Variants in ZRANB3 observed in about 807,000 individuals in gnomAD.
ZRANB3 encodes zinc finger RANBP2-type containing 3, also known as DNA annealing helicase and endonuclease ZRANB3.
A neutral mutation model predicts 133.8 loss-of-function variants in ZRANB3; 125 were observed. The observed-to-expected ratio is 0.93, with a 90% CI of 0.81 to 1.08. The LOEUF (loss-of-function observed/expected upper bound fraction) is 1.08, where lower values mean the gene tolerates loss of function less well. Ranked by LOEUF, ZRANB3 falls within the 50% of genes least tolerant of loss-of-function variation. The probability of loss-of-function intolerance (pLI) is 0.00; values close to 1 mark genes in which losing one functional copy is unlikely to be tolerated. For missense variants in ZRANB3, 1,229 were observed against 1,275.5 expected (o/e 0.96, Z 0.56); for synonymous variants, 387 against 432.7 (o/e 0.89, Z 1.31).
intron 3 of ZRANB3, among the ~76,000 whole-genome samples, chr2:135,358,063 C>T (rs769173264): frequency 4.6e-5 from 7 of 152,150 alleles, no homozygotes; most frequent in Non-Finnish European, 7.3e-5. Context: ...CAGAAGCCAA[C>T]GCAAGATATC....
At chr2:135,390,883 A>AT (rs1687200403) in intron 2 of ZRANB3, 63 bp from the exon 3 acceptor site, 5 of 1,439,272 alleles carry the variant, frequency 3.5e-6, no homozygotes, top group Non-Finnish European at 4.6e-6. Context: ...TTTTTTTGAG[A>AT]TGGAGTCTCG....
At chr2:135,403,147 G>A (rs1682540707) in intron 2 of ZRANB3, among the ~76,000 whole-genome samples, 2 of 152,154 alleles carry the variant, frequency 1.3e-5, no homozygotes, top group South Asian at 2.1e-4. Context: ...AGCCGAAGCT[G>A]GGTGAGGCAT....
chr2:135,236,069 C>T lies in ZRANB3; in HGVS notation c.1540-5142G>A, dbSNP rs923548404. Among the ~76,000 whole-genome samples, 503 of 152,152 alleles carry T rather than the reference C, an allele frequency of 3.3e-3. 1 individual carries two copies. Among genetic ancestry groups the T allele is most frequent in the Middle Eastern group, 0.01 (3 of 294 alleles). ...GTCTCAGCCCAAAATCTCCTTAAGC[C>T]GATAGGCAACTTCAGCAAAGTCTCA... is the stretch of plus-strand genomic sequence containing the variant. On this transcript the variant is annotated intron_variant, in intron 12 of 20. Transcript: ENST00000264159.
intron 6 of ZRANB3, among the ~76,000 whole-genome samples, chr2:135,316,983 A>AAAAAAAAT (rs35114507): frequency 3.8e-5 from 5 of 131,470 alleles, no homozygotes; most frequent in South Asian, 2.3e-4. Context: ...AAAAAAAAAA[A>AAAAAAAAT]ATATATATAT....
At chr2:135,290,867 C>A (rs1681672520) in intron 8 of ZRANB3, among the ~76,000 whole-genome samples, 1 of 152,104 alleles carries the variant, frequency 6.6e-6, no homozygotes, top group Non-Finnish European at 1.5e-5. Context: ...GGATGGTTTC[C>A]TTGATTATTC....
At chr2:135,522,443 G>A (rs147797689) in intron 1 of ZRANB3, among the ~76,000 whole-genome samples, 29 of 152,182 alleles carry the variant, frequency 1.9e-4, no homozygotes, top group Admixed American at 3.3e-4. Flanking sequence ...GGTACCCGCC[G>A]GGTGGTGTGG....
intron 12 of ZRANB3, among the ~76,000 whole-genome samples, chr2:135,259,660 C>T (rs1319892449): frequency 2.6e-5 from 4 of 152,072 alleles, no homozygotes; most frequent in Admixed American, 6.5e-5. Context: ...TCAGCTGATC[C>T]GCCCGCCTCG....
chr2:135,530,479 C>T (rs970572954), intron 1 of ZRANB3: 1 of 152,208 alleles, frequency 6.6e-6, no homozygotes, highest in African/African-American at 2.4e-5. Flanking sequence ...ATCTCCCATG[C>T]AAGAAACTAG....
chr2:135,202,642 A>T (rs1693671108), intron 20 of ZRANB3, 190 bp downstream of exon 20: 1 of 536,884 alleles, frequency 1.9e-6, no homozygotes, highest in South Asian at 2.9e-5. Context: ...TGAAAAGGGA[A>T]GCAGCTTCTC....
At chr2:135,297,927 TATTGTTTTTAAA>T (rs1270555413) in intron 8 of ZRANB3, among the ~76,000 whole-genome samples, 2 of 152,176 alleles carry the variant, frequency 1.3e-5, no homozygotes, top group Admixed American at 1.3e-4. Flanking sequence ...CCATATCCTG[TATTGTTTTTAAA>T]ATTTATTGGC....
At chr2:135,426,795 GC>G (rs1422713967) in intron 2 of ZRANB3, among the ~76,000 whole-genome samples, 1 of 116,682 alleles carries the variant, frequency 8.6e-6, no homozygotes, top group African/African-American at 3.3e-5. Context: ...TGGTGCCACT[GC>G]ACTCCAGCCT....
At chr2:135,314,953 T>C (rs1413286953) in intron 7 of ZRANB3, among the ~76,000 whole-genome samples, 2 of 152,028 alleles carry the variant, frequency 1.3e-5, no homozygotes, top group Admixed American at 6.6e-5. Flanking sequence ...TTTCACCATG[T>C]TGGCCAGCTG....
chr2:135,526,348 G>C (rs773703942), intron 1 of ZRANB3, among the ~76,000 whole-genome samples: 18 of 151,976 alleles, frequency 1.2e-4, no homozygotes, highest in Non-Finnish European at 2.5e-4. Flanking sequence ...ATTTTGAGTA[G>C]AGACAGGGTT....
intron 17 of ZRANB3, among the ~76,000 whole-genome samples, chr2:135,210,246 T>C (rs1694039819): frequency 6.6e-6 from 1 of 152,226 alleles, no homozygotes; most frequent in Non-Finnish European, 1.5e-5. Flanking sequence ...ACCCTGGATA[T>C]CATTAGAGAA....
chr2:135,340,020 G>T (rs1274657188), intron 6 of ZRANB3, among the ~76,000 whole-genome samples: 1 of 150,900 alleles, frequency 6.6e-6, no homozygotes, highest in Non-Finnish European at 1.5e-5. Context: ...TTTATTTAGG[G>T]TTTTATTTAA....
At chr2:135,426,866 ATATATATATATATATAT>A (rs1689115230) in intron 2 of ZRANB3, among the ~76,000 whole-genome samples, 2 of 11,820 alleles carry the variant, frequency 1.7e-4, no homozygotes, top group Non-Finnish European at 2.5e-4. Context: ...AAAAAAAAAT[ATATATATATATATATAT>A]ATATATATAT....
chr2:135,407,364 G>T (rs1688088630), intron 2 of ZRANB3, among the ~76,000 whole-genome samples: 1 of 152,002 alleles, frequency 6.6e-6, no homozygotes, highest in Non-Finnish European at 1.5e-5. Flanking sequence ...TCATGGGTAG[G>T]AAGAATCAAT....
intron 12 of ZRANB3, among the ~76,000 whole-genome samples, chr2:135,236,392 C>A (rs1391288582): frequency 6.6e-6 from 1 of 151,962 alleles, no homozygotes; most frequent in Non-Finnish European, 1.5e-5. Context: ...CAATGCCATC[C>A]CCATCAAGCT....
intron 12 of ZRANB3, among the ~76,000 whole-genome samples, chr2:135,243,297 T>G (rs565648104): frequency 1.3e-5 from 2 of 152,242 alleles, no homozygotes; most frequent in East Asian, 3.9e-4. Flanking sequence ...GAGTGGATCA[T>G]GAGGTCAGGA....
Sources: allele counts gnomAD v4.1 joint callset (sites outside exome capture counted in the v4.1 genomes callset), GRCh38; gene constraint gnomAD v4.1.1; transcripts MANE v1.5; gene names NCBI Gene and HGNC (gene_info 2026-07-23, HGNC 2026-07-21).